SREBF2: variants seen among roughly 807,000 people sequenced by gnomAD.
SREBF2 encodes sterol regulatory element-binding protein 2.
In SREBF2, 55 loss-of-function variants were observed where a neutral mutation model predicts 113.1. That is an observed-to-expected ratio of 0.49 (90% CI 0.39 to 0.61). The LOEUF (loss-of-function observed/expected upper bound fraction) is 0.61. SREBF2 is among the 20% of genes least tolerant of loss of function. SREBF2 has a pLI of 0.00. For synonymous variants in SREBF2, 593 were observed against 605.7 expected (o/e 0.98, Z 0.31); for missense variants, 1,349 against 1,487.4 (o/e 0.91, Z 1.53).
intron 11 of SREBF2, among the ~76,000 whole-genome samples, chr22:41,889,507 A>G (rs1185206515): frequency 6.6e-6 from 1 of 152,130 alleles, no homozygotes; most frequent in Non-Finnish European, 1.5e-5. Flanking sequence ...AAAAAATCAT[A>G]TGTCAAGTTG....
At chr22:41,904,354 A>AT (rs2077487771) in intron 17 of SREBF2, among the ~76,000 whole-genome samples, 1 of 152,238 alleles carries the variant, frequency 6.6e-6, no homozygotes, top group East Asian at 1.9e-4. Context: ...GACAGACCTC[A>AT]GCCTTGCCCT....
intron 15 of SREBF2, chr22:41,900,009 C>G (rs1237800746): frequency 1.6e-6 from 2 of 1,273,226 alleles, no homozygotes; most frequent in African/African-American, 3.1e-5. Context: ...CTTATTGTGG[C>G]CACTTTATAG....
At chr22:41,854,479 T>C (rs2076960227) in intron 1 of SREBF2, among the ~76,000 whole-genome samples, 1 of 152,026 alleles carries the variant, frequency 6.6e-6, no homozygotes, top group Non-Finnish European at 1.5e-5. Context: ...TGTTTTTTAA[T>C]ACCAGTATGC....
chr22:41,885,307 C>T (rs1844563648), intron 11 of SREBF2, among the ~76,000 whole-genome samples: 1 of 152,192 alleles, frequency 6.6e-6, no homozygotes, highest in Non-Finnish European at 1.5e-5. Flanking sequence ...AGCTACTGTA[C>T]TTGGGGGTTA....
chr22:41,872,020 G>T (rs769950622), intron 4 of SREBF2, among the ~76,000 whole-genome samples: 3 of 152,070 alleles, frequency 2.0e-5, no homozygotes, highest in African/African-American at 7.2e-5. Flanking sequence ...GGAGGCCGAG[G>T]TGGGTAGATC....
In SREBF2 at chr22:41,878,154, C is replaced by T. The variant is rs1257871513; in HGVS notation, c.1761+31C>T. ...TTCTGTGTCCGCCCTTCCCCATCCT[C>T]CCCCAGACTTGACAAATAATTCAGC... is the stretch of plus-strand genomic sequence containing the variant. On this transcript the variant is annotated intron_variant, in intron 9 of 18. Coordinates refer to ENST00000361204, the MANE Select transcript of SREBF2 (RefSeq NM_004599.4). 3 of 1,612,204 alleles carry T rather than the reference C, an allele frequency of 1.9e-6. No individual in the cohort carries two copies. In the Admixed American group the frequency reaches 5.0e-5, roughly 27 times the overall value.
At chr22:41,868,569 G>T in intron 2 of SREBF2, 42 bp from the exon 3 acceptor site, 1 of 1,602,820 alleles carries the variant, frequency 6.2e-7, no homozygotes, top group Non-Finnish European at 8.5e-7. Flanking sequence ...GTGACAGAAT[G>T]CATTCCTCAT....
At chr22:41,845,712 A>C (rs2076871420) in intron 1 of SREBF2, among the ~76,000 whole-genome samples, 1 of 152,204 alleles carries the variant, frequency 6.6e-6, no homozygotes, top group Admixed American at 6.5e-5. Flanking sequence ...GGGTGAGTAA[A>C]TAGGATTTTA....
At chr22:41,899,608 A>G (rs1203785689) in intron 15 of SREBF2, 3 of 985,462 alleles carry the variant, frequency 3.0e-6, no homozygotes, top group African/African-American at 3.5e-5. Flanking sequence ...GTGACACCCT[A>G]ATTTCATTGA....
At chr22:41,837,118 A>T (rs1037508057) in intron 1 of SREBF2, among the ~76,000 whole-genome samples, 5 of 152,212 alleles carry the variant, frequency 3.3e-5, no homozygotes, top group Non-Finnish European at 7.3e-5. Context: ...TAGGCAGGGC[A>T]CTGTGAGCAA....
intron 1 of SREBF2, among the ~76,000 whole-genome samples, chr22:41,838,836 G>A (rs1042896948): frequency 6.6e-6 from 1 of 152,190 alleles, no homozygotes; most frequent in Non-Finnish European, 1.5e-5. Flanking sequence ...CAGGTGTGAG[G>A]TGATGAAGGG....
rs1318481238 is a variant in SREBF2 at position 41,877,865 on chromosome 22, A to G, written c.1580-77A>G. 4 of 1,449,982 alleles carry G rather than the reference A, an allele frequency of 2.8e-6. No homozygotes were observed. The South Asian group carries it at 3.4e-5, about 12-fold the overall frequency. 89.8% of individuals were successfully genotyped at this position (1,449,982 alleles called of 1,614,324 possible). ...GAGGTAGAAGACTCTTTCCTGTGAT[A>G]GTGCTGGGGTCTGTCAGGTGCCTGG... On this transcript the variant is annotated intron_variant, in intron 8 of 18. Coordinates refer to ENST00000361204, the MANE Select transcript of SREBF2 (RefSeq NM_004599.4).
intron 1 of SREBF2, among the ~76,000 whole-genome samples, chr22:41,850,185 T>G (rs1443298628): frequency 7.2e-6 from 1 of 138,040 alleles, no homozygotes; most frequent in Non-Finnish European, 1.6e-5. Context: ...CGCCGTGGCT[T>G]ACGCCTGTAA....
chr22:41,887,951 T>C (rs574907824), intron 11 of SREBF2, among the ~76,000 whole-genome samples: 7 of 152,238 alleles, frequency 4.6e-5, no homozygotes, highest in Non-Finnish European at 7.3e-5. Context: ...ATAGTCTGTT[T>C]CGTTACATTC....
intron 11 of SREBF2, chr22:41,885,552 T>A (rs2077291462): frequency 5.6e-6 from 1 of 179,222 alleles, no homozygotes; most frequent in East Asian, 1.4e-4. Context: ...GGAGCTCAGG[T>A]CAGACGAGGG....
intron 9 of SREBF2, 46 bp downstream of exon 9, chr22:41,878,169 A>G: frequency 6.2e-7 from 1 of 1,610,428 alleles, no homozygotes; most frequent in South Asian, 1.1e-5. Context: ...AGACTTGACA[A>G]ATAATTCAGC....
At chr22:41,840,485 A>C (rs552134988) in intron 1 of SREBF2, among the ~76,000 whole-genome samples, 7 of 152,284 alleles carry the variant, frequency 4.6e-5, no homozygotes, top group African/African-American at 1.7e-4. Flanking sequence ...TTAGTGGAGC[A>C]CATCCTCCAG....
chr22:41,874,864 G>A (rs919841318), intron 5 of SREBF2, among the ~76,000 whole-genome samples: 1 of 152,004 alleles, frequency 6.6e-6, no homozygotes, highest in Non-Finnish European at 1.5e-5. Context: ...CTGAGATCGC[G>A]CCATTGCACT....
At chr22:41,899,879 C>A (rs1185074945) in intron 15 of SREBF2, 8 of 1,030,480 alleles carry the variant, frequency 7.8e-6, no homozygotes, top group Admixed American at 9.2e-5. Context: ...AACCCTCCCC[C>A]ATCCCTAGCC....
Sources: allele counts gnomAD v4.1 joint callset (sites outside exome capture counted in the v4.1 genomes callset), GRCh38; gene constraint gnomAD v4.1.1; transcripts MANE v1.5; gene names NCBI Gene and HGNC (gene_info 2026-07-23, HGNC 2026-07-21).